The following SLC43A1 variants were observed in gnomAD, a reference collection of about 807,000 sequenced individuals.
SLC43A1 encodes the protein large neutral amino acids transporter small subunit 3.
Under a neutral mutation model 59.5 loss-of-function variants are expected in SLC43A1, and 31 were observed. That is an observed-to-expected ratio of 0.52 (90% CI 0.39 to 0.70). The LOEUF (loss-of-function observed/expected upper bound fraction) is 0.70, where lower values mean the gene tolerates loss of function less well. Among genes scored for constraint, SLC43A1 ranks in the 30% least tolerant of loss-of-function variants. The pLI is 0.00. For missense variants in SLC43A1, 598 were observed against 717.8 expected (o/e 0.83, Z 1.91); for synonymous variants, 259 against 290.9 (o/e 0.89, Z 1.12).
chr11:57,492,536 G>GTATATATATATA (rs71061509), intron 8 of SLC43A1, among the ~76,000 whole-genome samples: 3 of 79,862 alleles, frequency 3.8e-5, no homozygotes, highest in African/African-American at 5.6e-5. Flanking sequence ...ATAATTTTGT[G>GTATATATATATA]TATATATATA....
chr11:57,491,750 C>T lies in SLC43A1; in HGVS notation c.984G>A (p.Met328Ile), dbSNP rs770086524. 7 of 1,614,140 alleles carry T rather than the reference C, an allele frequency of 4.3e-6. No individual in the cohort carries two copies. The African/African-American group carries it at 9.3e-5, about 22-fold the overall frequency. ...IIFYMAAVNK[M>I]LEYLVTGGQE... ...GGCCACCAGTCACAAGGTACTCCAGCATCTTGTTCACAGCAGCCATGTAGA... is the reference window on the plus strand; with the variant it reads ...GGCCACCAGTCACAAGGTACTCCAGTATCTTGTTCACAGCAGCCATGTAGA... Residue 328 changes from methionine to isoleucine, a missense_variant, in exon 9 of 15, where the codon ATG (methionine) becomes ATA (isoleucine). Coordinates refer to ENST00000278426, the MANE Select transcript of SLC43A1 (RefSeq NM_003627.6).
chr11:57,497,928 C>A, intron 5 of SLC43A1, 83 bp from the exon 6 acceptor site: 1 of 915,812 alleles, frequency 1.1e-6, no homozygotes, highest in South Asian at 1.6e-5. Context: ...TACAATAGCC[C>A]CAGGAGACGC....
At chr11:57,503,530 C>G (rs769639741) in intron 2 of SLC43A1, among the ~76,000 whole-genome samples, 40 of 151,988 alleles carry the variant, frequency 2.6e-4, no homozygotes, top group Non-Finnish European at 5.6e-4. Context: ...CAACTGTTGC[C>G]CAGGCTGGTC....
intron 14 of SLC43A1, among the ~76,000 whole-genome samples, chr11:57,486,777 C>A (rs1943743964): frequency 6.6e-6 from 1 of 151,760 alleles, no homozygotes; most frequent in African/African-American, 2.4e-5. Flanking sequence ...CCACTGCACT[C>A]CAGCCTGGGC....
At position 57,491,493 on chromosome 11, in the gene SLC43A1, G is replaced by A. The variant is rs555807830; in HGVS notation, c.1054+98C>T. The A allele has an allele frequency of 8.2e-6, 13 of 1,585,868 alleles. No homozygotes were observed. In the East Asian group the frequency reaches 2.7e-4, roughly 33 times the overall value. On this transcript the variant is annotated intron_variant, in intron 10 of 14. Transcript: ENST00000278426. Reference sequence around the variant, plus strand: ...CCAGACTCTTACATCCCACAAAAGGGTTACCTGGGTGGGCCCAGGCCTAGA... The same window carrying A: ...CCAGACTCTTACATCCCACAAAAGGATTACCTGGGTGGGCCCAGGCCTAGA...
rs1409152797 is a variant in SLC43A1 at position 57,491,286 on chromosome 11, C to T, written c.1131G>A (p.Met377Ile). 1 of 1,611,712 alleles carries T rather than the reference C, an allele frequency of 6.2e-7. No homozygotes were observed. Among genetic ancestry groups the T allele is most frequent in the African/African-American group, 1.3e-5 (1 of 74,834 alleles). ...CCACGCAGTCCTTGATCCGCCAGTC[C>T]ATGATGTAGCCAATGAGGGGGCAGG... ...LLTCPLIGYI[M>I]DWRIKDCVDA... is the part of the protein sequence containing the mutation. The change falls in exon 11 of 15, where the codon ATG becomes ATA. Residue 377 changes from methionine (M) to isoleucine (I), a missense_variant. Coordinates refer to ENST00000278426, the MANE Select transcript of SLC43A1 (RefSeq NM_003627.6).
At chr11:57,492,366 T>C (rs1943934147) in intron 8 of SLC43A1, among the ~76,000 whole-genome samples, 1 of 136,410 alleles carries the variant, frequency 7.3e-6, no homozygotes, top group African/African-American at 2.8e-5. Context: ...GGCAGGAGGA[T>C]TGCTTGAGCC....
intron 14 of SLC43A1, among the ~76,000 whole-genome samples, chr11:57,486,689 G>A (rs1943740528): frequency 6.6e-6 from 1 of 151,232 alleles, no homozygotes; most frequent in African/African-American, 2.4e-5. Context: ...GGCGCCTGTG[G>A]TCCCAGCTAC....
chr11:57,506,277 T>C (rs1174851962), intron 2 of SLC43A1, among the ~76,000 whole-genome samples: 10 of 152,038 alleles, frequency 6.6e-5, no homozygotes, highest in Admixed American at 4.6e-4. Flanking sequence ...ACCTGGGAGG[T>C]GGAGGACGCA....
intron 2 of SLC43A1, among the ~76,000 whole-genome samples, chr11:57,504,588 G>A (rs1381911488): frequency 2.0e-5 from 3 of 152,178 alleles, no homozygotes; most frequent in East Asian, 3.8e-4. Context: ...TTTATAAATG[G>A]TAAGGGTCCA....
chr11:57,491,840 G>A lies in SLC43A1; in HGVS notation c.894C>T (p.Ser298=). The change falls in exon 9 of 15, where the codon AGC becomes AGT. Residue 298 remains serine (S), a synonymous_variant. Coordinates refer to ENST00000278426, the MANE Select transcript of SLC43A1 (RefSeq NM_003627.6). ...TCCACAGGAAAGTGGGGGAGCAGAG[G>A]CTCTTGCGTAAGGGGACAGACCCTG... The part of the protein sequence containing the change: ...LPERSVPLRK[S]LCSPTFLWSL... The A allele has an allele frequency of 6.2e-7, 1 of 1,614,174 alleles. No individual in the cohort carries two copies. Among genetic ancestry groups the A allele is most frequent in the South Asian group, 1.1e-5 (1 of 91,086 alleles).
Position 57,484,848 on chromosome 11 carries a change from G to A in SLC43A1, c.*248C>T, listed in dbSNP as rs912474767. On this transcript the variant is annotated 3_prime_UTR_variant, in exon 15 of 15. Transcript: ENST00000278426. ...ACCCTGGTCTCCTCCAACCCAAGGA[G>A]GAAGAAGGCTCAACCCCTCTAGGAT... 4.9e-6 allele frequency: 2 copies of A among 409,482 alleles called. No individual in the cohort carries two copies. Among genetic ancestry groups the A allele is most frequent in the African/African-American group, 4.1e-5 (2 of 49,202 alleles). 25.4% of individuals were successfully genotyped at this position (409,482 alleles called of 1,614,324 possible).
In SLC43A1 at chr11:57,514,100, C is replaced by T. The variant is rs377011691; in HGVS notation, c.12G>A (p.Thr4=). Residue 4 remains threonine, a synonymous_variant, in exon 2 of 15, where the codon ACG becomes ACA. Transcript: ENST00000278426. This position sits in a 1 kb window ranked among gnomAD's most constrained non-coding sequence, Gnocchi z 5.5. MAP[T]LQQAYRRRWW... ...AGCGCCTCCGGTACGCCTGTTGCAG[C>T]GTGGGGGCCATGCTGGCCCCGAGCC... 2 of 1,591,864 alleles carry T rather than the reference C, an allele frequency of 1.3e-6. No homozygotes were observed. Among genetic ancestry groups the T allele is most frequent in the Non-Finnish European group, 1.7e-6 (2 of 1,169,830 alleles).
chr11:57,503,852 A>T (rs568020072), intron 2 of SLC43A1, among the ~76,000 whole-genome samples: 1 of 152,322 alleles, frequency 6.6e-6, no homozygotes, highest in African/African-American at 2.4e-5. Flanking sequence ...CCAGTTTAAA[A>T]TCAGGAGTTA....
At position 57,485,176 on chromosome 11, in the gene SLC43A1, G is replaced by A. The variant is rs146346481; in HGVS notation, c.1600C>T (p.Arg534Cys). The change falls in exon 15 of 15, where the codon CGT becomes TGT. Residue 534 changes from arginine to cysteine, a missense_variant. By Grantham distance (180) the Arg-to-Cys change is radical. Transcript: ENST00000278426. ...GCGTACTCCTGCTGGAGCCGGGCACGGTAATAGAAGAGGTAGGAAGGCAAC... is the reference window on the plus strand; with the variant it reads ...GCGTACTCCTGCTGGAGCCGGGCACAGTAATAGAAGAGGTAGGAAGGCAAC... ...FLLPSYLFYY[R>C]ARLQQEYAAN... is the part of the protein sequence containing the mutation. The A allele has an allele frequency of 4.0e-5, 64 of 1,613,924 alleles. No individual in the cohort carries two copies. The highest frequency in any genetic ancestry group is 6.7e-5 in the African/African-American group (5 of 74,894).
In SLC43A1 at chr11:57,512,558, A is replaced by G. The variant is rs374069792; in HGVS notation, c.154+1400T>C. Among the ~76,000 whole-genome samples the G allele has an allele frequency of 1.3e-5, 2 of 151,886 alleles. 1 individual carries two copies. On this transcript the variant is annotated intron_variant, in intron 2 of 14. Transcript: ENST00000278426. Reference sequence around the variant, plus strand: ...GACTCTGTCTCAAAAAAAAAAAAAAAAGTTACATAGGGGACAGTGGCAGGT... The same window carrying G: ...GACTCTGTCTCAAAAAAAAAAAAAAGAGTTACATAGGGGACAGTGGCAGGT...
chr11:57,501,027 AC>A lies in SLC43A1; in HGVS notation c.348del (p.Ser117ProfsTer18). 1 of 1,602,692 alleles carries A rather than the reference AC, an allele frequency of 6.2e-7. No homozygotes were observed. Among genetic ancestry groups the A allele is most frequent in the Non-Finnish European group, 8.5e-7 (1 of 1,174,462 alleles). On this transcript the variant is annotated frameshift_variant, in exon 4 of 15. Coordinates refer to ENST00000278426, the MANE Select transcript of SLC43A1 (RefSeq NM_003627.6). LOFTEE classifies it high-confidence loss of function. The part of the protein sequence containing the change: ...VRLVGSACFT[A>X]SCTLMALASR... ...GAGGCCAGGGCCATGAGGGTGCAGG[AC>A]GCAGTGAAGCAGGCACTGTGGAGAC...
chr11:57,491,443 G>T, intron 10 of SLC43A1, 81 bp from the exon 11 acceptor site: 1 of 1,554,944 alleles, frequency 6.4e-7, no homozygotes, highest in Non-Finnish European at 8.7e-7. Flanking sequence ...AGGCCAGAGA[G>T]CACCAAAATA....
intron 6 of SLC43A1, among the ~76,000 whole-genome samples, chr11:57,496,535 A>AAAGG (rs1312366761): frequency 6.6e-6 from 1 of 152,204 alleles, no homozygotes; most frequent in East Asian, 1.9e-4. Context: ...TAGTACGTAC[A>AAAGG]AAGGAAACTT....
Sources: allele counts gnomAD v4.1 joint callset (sites outside exome capture counted in the v4.1 genomes callset), GRCh38; gene constraint gnomAD v4.1.1; non-coding constraint Gnocchi (gnomAD v3.1); transcripts MANE v1.5; gene names NCBI Gene and HGNC (gene_info 2026-07-23, HGNC 2026-07-21).